RNGTT: variants seen among roughly 807,000 people sequenced by gnomAD.
The protein encoded by RNGTT is mRNA-capping enzyme.
In RNGTT, 33 loss-of-function variants were observed where a neutral mutation model predicts 79.3. The ratio of observed to expected loss-of-function variants is 0.42; its 90% CI spans 0.32 to 0.56. The LOEUF (loss-of-function observed/expected upper bound fraction) is 0.56, where lower values mean the gene tolerates loss of function less well. RNGTT is among the 20% of genes least tolerant of loss of function. The probability of loss-of-function intolerance (pLI) is 0.17; values close to 1 mark genes in which losing one functional copy is unlikely to be tolerated. For synonymous variants in RNGTT, 222 were observed against 235.9 expected, an observed-to-expected ratio of 0.94 and a Z score of 0.54; for missense variants, 497 against 739.1, an observed-to-expected ratio of 0.67 and a Z score of 3.80.
chr6:88,960,403 A>T (rs1456463796), intron 1 of RNGTT, among the ~76,000 whole-genome samples: 1 of 152,212 alleles, frequency 6.6e-6, no homozygotes, highest in African/African-American at 2.4e-5. Flanking sequence ...TACATAGCAG[A>T]TATGAAATAA....
intron 11 of RNGTT, among the ~76,000 whole-genome samples, chr6:88,823,480 A>G (rs1780560340): frequency 6.6e-6 from 1 of 152,016 alleles, no homozygotes. Context: ...AAAATAAAAC[A>G]GCAAATTACA....
chr6:88,645,288 A>C lies in RNGTT; in HGVS notation c.1507-30893T>G, dbSNP rs182790593. On this transcript the variant is annotated intron_variant, in intron 14 of 15. Coordinates refer to ENST00000369485, the MANE Select transcript of RNGTT (RefSeq NM_003800.5). The stretch of plus-strand genomic sequence containing the variant: ...AGAGAATAAAATACCTAGGAATCCA[A>C]CTTACAAGGGATGTGAAGGACCTCT... Among the ~76,000 whole-genome samples the C allele has an allele frequency of 4.6e-3, 704 of 152,334 alleles. 10 individuals are homozygous for C. The highest frequency in any genetic ancestry group is 0.016 in the African/African-American group (676 of 41,572).
chr6:88,871,420 T>A (rs1396110990), intron 8 of RNGTT, among the ~76,000 whole-genome samples: 1 of 152,082 alleles, frequency 6.6e-6, no homozygotes, highest in Admixed American at 6.6e-5. Context: ...CACAAAATTA[T>A]TTGACACTCT....
At chr6:88,734,090 G>A (rs915498721) in intron 13 of RNGTT, among the ~76,000 whole-genome samples, 5 of 152,160 alleles carry the variant, frequency 3.3e-5, no homozygotes, top group South Asian at 2.1e-4. Flanking sequence ...GTAAATAACT[G>A]TCTATTCAAA....
chr6:88,904,136 T>C (rs1783565001), intron 6 of RNGTT, among the ~76,000 whole-genome samples: 1 of 152,108 alleles, frequency 6.6e-6, no homozygotes. Flanking sequence ...CACAATACTT[T>C]GTAAAGAAAT....
Position 88,869,921 on chromosome 6 carries a change from C to T in RNGTT, c.897-16157G>A, listed in dbSNP as rs1472997755. On this transcript the variant is annotated intron_variant, in intron 8 of 15. Transcript: ENST00000369485. ...AGTAGTTTACATTCTATCAGGCTGA[C>T]ATAAGATGTAAAAGACCTAAATGCC... Among the ~76,000 whole-genome samples, 11 of 152,170 alleles carry T rather than the reference C, an allele frequency of 7.2e-5. No homozygotes were observed. In the East Asian group the frequency reaches 1.9e-3, roughly 27 times the overall value.
At chr6:88,836,110 C>T (rs931429673) in intron 11 of RNGTT, among the ~76,000 whole-genome samples, 19 of 148,536 alleles carry the variant, frequency 1.3e-4, no homozygotes, top group Admixed American at 8.7e-4. Context: ...ATTTACTACT[C>T]CAAAGGAAGT....
In RNGTT at chr6:88,657,887, A is replaced by G. The variant is rs527249459; in HGVS notation, c.1506+20466T>C. Among the ~76,000 whole-genome samples, 4 of 152,248 alleles carry G rather than the reference A, an allele frequency of 2.6e-5. No homozygotes were observed. The South Asian group carries it at 6.2e-4, about 24-fold the overall frequency. ...GCCTAAGAATCACCTGCTATGTCCC[A>G]CAGTGTCTGCATTAAGCCCTGCTCA... On this transcript the variant is annotated intron_variant, in intron 14 of 15. Transcript: ENST00000369485.
chr6:88,862,499 T>C (rs564136670), intron 8 of RNGTT, among the ~76,000 whole-genome samples: 4 of 152,354 alleles, frequency 2.6e-5, no homozygotes, highest in African/African-American at 7.2e-5. Context: ...TCTTCATCTG[T>C]ATTCCTTGTA....
intron 5 of RNGTT, 29 bp downstream of exon 5, chr6:88,906,336 C>T: frequency 1.4e-6 from 2 of 1,417,134 alleles, no homozygotes; most frequent in Admixed American, 4.5e-5. Flanking sequence ...TTACAAAATA[C>T]ATCTTCCATT....
chr6:88,673,211 T>A (rs1774723991), intron 14 of RNGTT, among the ~76,000 whole-genome samples: 1 of 152,212 alleles, frequency 6.6e-6, no homozygotes, highest in Non-Finnish European at 1.5e-5. Context: ...CAATTTCATA[T>A]CCTGATTTAA....
At chr6:88,902,953 C>A (rs1450149787) in intron 6 of RNGTT, among the ~76,000 whole-genome samples, 2 of 152,004 alleles carry the variant, frequency 1.3e-5, no homozygotes, top group Non-Finnish European at 2.9e-5. Context: ...CTCGGCCTCC[C>A]AAAGGGCTGG....
Position 88,962,934 on chromosome 6 carries a change from C to T in RNGTT, c.64+412G>A, listed in dbSNP as rs140476456. Among the ~76,000 whole-genome samples the T allele has an allele frequency of 3.1e-3, 466 of 152,072 alleles. 2 individuals carry two copies. Among genetic ancestry groups the T allele is most frequent in the African/African-American group, 0.011 (436 of 41,464 alleles). ...CTCCAGATTCCCAGTCTCAATGTGACCCCATTTCACCGCTGGGAACCGCCC... is the reference window on the plus strand; with the variant it reads ...CTCCAGATTCCCAGTCTCAATGTGATCCCATTTCACCGCTGGGAACCGCCC... On this transcript the variant is annotated intron_variant, in intron 1 of 15. Coordinates refer to ENST00000369485, the MANE Select transcript of RNGTT (RefSeq NM_003800.5).
intron 13 of RNGTT, among the ~76,000 whole-genome samples, chr6:88,704,888 A>G (rs1776079054): frequency 6.6e-6 from 1 of 152,104 alleles, no homozygotes; most frequent in East Asian, 1.9e-4. Context: ...ATTATATATT[A>G]CTTATAGGAT....
chr6:88,620,220 A>G (rs16880966), intron 14 of RNGTT, among the ~76,000 whole-genome samples: 20,691 of 152,266 alleles, frequency 0.14, 1,791 homozygotes, highest in Non-Finnish European at 0.2. Flanking sequence ...CATGCCCTTC[A>G]GTCAGATACG....
At chr6:88,670,121 C>T (rs1013353521) in intron 14 of RNGTT, among the ~76,000 whole-genome samples, 2 of 152,198 alleles carry the variant, frequency 1.3e-5, no homozygotes, top group African/African-American at 4.8e-5. Flanking sequence ...TTCAACCTGA[C>T]CAATTGCTGT....
intron 8 of RNGTT, among the ~76,000 whole-genome samples, chr6:88,872,787 A>C (rs1222521340): frequency 6.6e-6 from 1 of 152,118 alleles, no homozygotes; most frequent in African/African-American, 2.4e-5. Context: ...ATAGACGGAG[A>C]AGTACTGAAA....
At chr6:88,615,649 T>C (rs1772189586) in intron 14 of RNGTT, among the ~76,000 whole-genome samples, 1 of 152,194 alleles carries the variant, frequency 6.6e-6, no homozygotes, top group Admixed American at 6.5e-5. Flanking sequence ...ACTCATTCAG[T>C]TAGGTAAACA....
At chr6:88,825,291 G>A (rs1021689000) in intron 11 of RNGTT, among the ~76,000 whole-genome samples, 2 of 152,168 alleles carry the variant, frequency 1.3e-5, no homozygotes, top group African/African-American at 4.8e-5. Context: ...AAGAGGAGGG[G>A]GTTACACAAC....
Sources: allele counts gnomAD v4.1 joint callset (sites outside exome capture counted in the v4.1 genomes callset), GRCh38; gene constraint gnomAD v4.1.1; transcripts MANE v1.5; gene names NCBI Gene and HGNC (gene_info 2026-07-23, HGNC 2026-07-21).